Variants in ARHGEF17 observed in about 807,000 individuals in gnomAD.
ARHGEF17 encodes the protein 164 kDa Rho-specific guanine-nucleotide exchange factor.
A neutral mutation model predicts 174.0 loss-of-function variants in ARHGEF17; 80 were observed. That is an observed-to-expected ratio of 0.46 (90% CI 0.38 to 0.55). The LOEUF (loss-of-function observed/expected upper bound fraction) is 0.55, where lower values mean the gene tolerates loss of function less well. ARHGEF17 is among the 20% of genes least tolerant of loss of function. The pLI is 0.00. For missense variants in ARHGEF17, 2,886 were observed against 2,839.7 expected (o/e 1.02, Z -0.37); for synonymous variants, 1,311 against 1,189.1 (o/e 1.10, Z -2.11).
At chr11:73,343,038 G>C (rs918034405) in intron 1 of ARHGEF17, 1 of 280,762 alleles carries the variant, frequency 3.6e-6, no homozygotes. Context: ...GCCGGGCTGA[G>C]CCCTTAGGGA....
intron 1 of ARHGEF17, 104 bp from the exon 2 acceptor site, chr11:73,346,779 G>A (rs1400496997): frequency 2.8e-5 from 25 of 909,040 alleles, no homozygotes; most frequent in Non-Finnish European, 3.7e-5. Context: ...GGCCAGGAGG[G>A]CAGGGAGAGG....
chr11:73,362,108 C>T lies in ARHGEF17; in HGVS notation c.4563C>T (p.Ser1521=). ...CGCCTGAGGTATGGGTCTGCAACAG[C>T]GACGGCTACGTGGGCCAGGTGTGCC... ...EPSPEVWVCN[S]DGYVGQVCLL... The change falls in exon 13 of 21, where the codon AGC becomes AGT. Residue 1521 remains serine, a synonymous_variant. Transcript: ENST00000263674. 3.7e-6 allele frequency: 6 copies of T among 1,612,540 alleles called. No homozygotes were observed. The highest frequency in any genetic ancestry group is 5.1e-6 in the Non-Finnish European group (6 of 1,179,860).
chr11:73,338,818 C>A (rs888277457), intron 1 of ARHGEF17, among the ~76,000 whole-genome samples: 1 of 151,844 alleles, frequency 6.6e-6, no homozygotes, highest in Non-Finnish European at 1.5e-5. Context: ...CTACCTCTTA[C>A]CAGCCAGGTG....
rs566267119 is a variant in ARHGEF17, at chr11:73,363,560, A to G, written c.5246+105A>G. On this transcript the variant is annotated intron_variant, in intron 15 of 20. Coordinates refer to ENST00000263674, the MANE Select transcript of ARHGEF17 (RefSeq NM_014786.4). ...CCAAGGCAGGAGGGCTTTGGGTCAC[A>G]CCTCAGGGGTACTGCTGACCAGGGA... 5.9e-5 allele frequency: 90 copies of G among 1,520,378 alleles called. No homozygotes were observed. In the African/African-American group the frequency reaches 1.2e-3, roughly 20 times the overall value. 94.2% of individuals were successfully genotyped at this position (1,520,378 alleles called of 1,614,324 possible).
At chr11:73,341,380 C>T (rs1263928517) in intron 1 of ARHGEF17, among the ~76,000 whole-genome samples, 4 of 152,172 alleles carry the variant, frequency 2.6e-5, no homozygotes, top group Non-Finnish European at 5.9e-5. Context: ...AACCTCAGCT[C>T]ACCTCAACCT....
chr11:73,361,933 C>A, intron 12 of ARHGEF17, 107 bp from the exon 13 acceptor site: 2 of 1,297,128 alleles, frequency 1.5e-6, no homozygotes, highest in Non-Finnish European at 2.1e-6. Flanking sequence ...CACACACACA[C>A]CCATGCAGGC....
Position 73,369,044 on chromosome 11 carries a change from G to T in ARHGEF17, c.*1264G>T, listed in dbSNP as rs553995314. On this transcript the variant is annotated 3_prime_UTR_variant, in exon 21 of 21. Transcript: ENST00000263674. ...AACAGTCATGTATTAACTCTCTTTG[G>T]ATGATGAAGTTTAAAGAGTCAATAA... The T allele has an allele frequency of 3.9e-5, 6 of 152,600 alleles. No individual in the cohort carries two copies. Among genetic ancestry groups the T allele is most frequent in the Admixed American group, 3.3e-4 (5 of 15,300 alleles). The allele number at this position is 152,600 out of a possible 1,614,324, so 9.5% of individuals were successfully genotyped here.
chr11:73,348,145 G>A (rs1865495393), intron 2 of ARHGEF17, among the ~76,000 whole-genome samples: 1 of 152,118 alleles, frequency 6.6e-6, no homozygotes, highest in Admixed American at 6.5e-5. Flanking sequence ...AAGCTAGCTG[G>A]GCAGAGTGAC....
chr11:73,315,498 G>T (rs924937266), intron 1 of ARHGEF17, among the ~76,000 whole-genome samples: 30 of 152,162 alleles, frequency 2.0e-4, no homozygotes, highest in Admixed American at 2.0e-3. Context: ...GGGAACCTGC[G>T]GGGGTGGAGG....
chr11:73,346,731 G>A lies in ARHGEF17; in HGVS notation c.3193-152G>A, dbSNP rs749625247. On this transcript the variant is annotated intron_variant, in intron 1 of 20. Transcript: ENST00000263674. The stretch of plus-strand genomic sequence containing the variant: ...GCAGAGTGGAGGGCCTGGGGGCCTC[G>A]GGGGAACAGCCCGGAGCCCTGGGCG... 6 of 536,008 alleles carry A rather than the reference G, an allele frequency of 1.1e-5. No individual in the cohort carries two copies. The South Asian group carries it at 1.1e-4, about 10-fold the overall frequency. The allele number at this position is 536,008 out of a possible 1,614,324, so 33.2% of individuals were successfully genotyped here. A position where few individuals can be genotyped will look rare whatever the true frequency, so the allele number is the denominator to read the frequency against.
chr11:73,311,574 G>A lies in ARHGEF17; in HGVS notation c.2936G>A (p.Gly979Asp), dbSNP rs1864836277. ...GTGCCTGAGCCACCAACTTCTGTTG[G>A]TCCCCCTGTGGCTGTGCCAGAACCC... ...IVVPEPPTSV[G>D]PPVAVPEPIG... The change falls in exon 1 of 21, where the codon GGT becomes GAT. Residue 979 changes from glycine (G) to aspartate (D), a missense_variant. By Grantham distance (94) the Gly-to-Asp change is moderately conservative (BLOSUM62 -1). Coordinates refer to ENST00000263674, the MANE Select transcript of ARHGEF17 (RefSeq NM_014786.4). 1 of 1,613,578 alleles carries A rather than the reference G, an allele frequency of 6.2e-7. No homozygotes were observed. The highest frequency in any genetic ancestry group is 8.5e-7 in the Non-Finnish European group (1 of 1,180,018).
In ARHGEF17 at chr11:73,359,870, A is replaced by G. The variant is rs115808563; in HGVS notation, c.4124A>G (p.Lys1375Arg). The change falls in exon 10 of 21, where the codon AAG becomes AGG. Residue 1375 changes from lysine to arginine, a missense_variant. Physicochemically the swap from Lys to Arg is conservative, Grantham distance 26 (BLOSUM62 2). Transcript: ENST00000263674. The stretch of plus-strand genomic sequence containing the variant: ...GCCACCAATCGGGAGAACATCCAGA[A>G]GGCCATCAGCCGCCTTGATGAGGAC... ...SQATNRENIQ[K>R]AISRLDEDLT... The G allele has an allele frequency of 3.3e-5, 53 of 1,613,270 alleles. No individual in the cohort carries two copies. The African/African-American group carries it at 6.8e-4, about 21-fold the overall frequency.
At chr11:73,330,931 G>C (rs1865193710) in intron 1 of ARHGEF17, among the ~76,000 whole-genome samples, 1 of 152,212 alleles carries the variant, frequency 6.6e-6, no homozygotes, top group Non-Finnish European at 1.5e-5. Flanking sequence ...TGGCACAGCA[G>C]GTGGGGGTGG....
In ARHGEF17 at chr11:73,365,577, A is replaced by G; in HGVS notation, c.5725+13A>G. ...AGGATGCTGGCAGGTACTGACCTCA[A>G]ACTACCACAGCACCCTCCTTGGAGC... On this transcript the variant is annotated intron_variant, in intron 19 of 20. Coordinates refer to ENST00000263674, the MANE Select transcript of ARHGEF17 (RefSeq NM_014786.4). This position sits in a 1 kb window ranked among gnomAD's most constrained non-coding sequence, Gnocchi z 4.9. 4 of 1,613,636 alleles carry G rather than the reference A, an allele frequency of 2.5e-6. No individual in the cohort carries two copies. The South Asian group carries it at 4.4e-5, about 18-fold the overall frequency.
At chr11:73,318,466 G>GA (rs1359640884) in intron 1 of ARHGEF17, among the ~76,000 whole-genome samples, 1 of 151,896 alleles carries the variant, frequency 6.6e-6, no homozygotes, top group Admixed American at 6.6e-5. Flanking sequence ...GGGAGACCTT[G>GA]CCTCTACTAA....
intron 1 of ARHGEF17, among the ~76,000 whole-genome samples, chr11:73,314,480 CT>C (rs1228079924): frequency 6.6e-6 from 1 of 152,204 alleles, no homozygotes; most frequent in East Asian, 1.9e-4. Flanking sequence ...ATCTTTGTCT[CT>C]CAGTTTTCCC....
In ARHGEF17 at chr11:73,308,360, C is replaced by T. The variant is rs1864724268; in HGVS notation, c.-279C>T. On this transcript the variant is annotated 5_prime_UTR_variant, in exon 1 of 21. Coordinates refer to ENST00000263674, the MANE Select transcript of ARHGEF17 (RefSeq NM_014786.4). Reference sequence around the variant, plus strand: ...ACCAAGCGCTGGGATCCCGCCCAGGCGGTGCCGCGGTGCCCCTGGTCGCTC... The same window carrying T: ...ACCAAGCGCTGGGATCCCGCCCAGGTGGTGCCGCGGTGCCCCTGGTCGCTC... 2 of 356,146 alleles carry T rather than the reference C, an allele frequency of 5.6e-6. No individual in the cohort carries two copies. Among genetic ancestry groups the T allele is most frequent in the Non-Finnish European group, 5.0e-6 (1 of 198,852 alleles). 22.1% of individuals were successfully genotyped at this position (356,146 alleles called of 1,614,324 possible).
chr11:73,316,937 A>G (rs893605946), intron 1 of ARHGEF17, among the ~76,000 whole-genome samples: 4 of 152,156 alleles, frequency 2.6e-5, no homozygotes, highest in African/African-American at 4.8e-5. Flanking sequence ...GCCCAGGCAG[A>G]GATGGTGGAG....
chr11:73,309,350 G>T lies in ARHGEF17; in HGVS notation c.712G>T (p.Ala238Ser), dbSNP rs1019021352. The T allele has an allele frequency of 6.2e-7, 1 of 1,608,710 alleles. No individual in the cohort carries two copies. The highest frequency in any genetic ancestry group is 8.5e-7 in the Non-Finnish European group (1 of 1,178,238). ...CTCCTGCTCCTCCTCCTCCATCGCCGCCTCCTATCCTGTCAGCCGCAGTCG... is the reference window on the plus strand; with the variant it reads ...CTCCTGCTCCTCCTCCTCCATCGCCTCCTCCTATCCTGTCAGCCGCAGTCG... The part of the protein sequence containing the change: ...RASCSSSSIA[A>S]SYPVSRSRAA... Residue 238 changes from alanine to serine, a missense_variant, in exon 1 of 21, where the codon GCC becomes TCC. By Grantham distance (99) the Ala-to-Ser change is moderately conservative. This residue lies in a region of ARHGEF17 where 1,728 missense variants were observed against 1,461.2 expected (regional missense o/e 1.18). Transcript: ENST00000263674.
Sources: allele counts gnomAD v4.1 joint callset (sites outside exome capture counted in the v4.1 genomes callset), GRCh38; gene constraint gnomAD v4.1.1; regional missense constraint gnomAD v4.1.1; non-coding constraint Gnocchi (gnomAD v3.1); transcripts MANE v1.5; gene names NCBI Gene and HGNC (gene_info 2026-07-23, HGNC 2026-07-21).